The following GRM7 variants were observed in gnomAD, a reference collection of about 807,000 sequenced individuals.
The protein encoded by GRM7 is metabotropic glutamate receptor 7.
Under a neutral mutation model 84.5 loss-of-function variants are expected in GRM7, and 35 were observed. The ratio of observed to expected loss-of-function variants is 0.41; its 90% confidence interval spans 0.32 to 0.55. The LOEUF (loss-of-function observed/expected upper bound fraction) is 0.55, where lower values mean the gene tolerates loss of function less well. GRM7 is among the 20% of genes least tolerant of loss of function. The probability of loss-of-function intolerance (pLI) is 0.19; values close to 1 mark genes in which losing one functional copy is unlikely to be tolerated. For synonymous variants in GRM7, 487 were observed against 455.1 expected, an observed-to-expected ratio of 1.07 and a Z score of -0.89; for missense variants, 1,003 against 1,194.6, an observed-to-expected ratio of 0.84 and a Z score of 2.36.
rs902441633 is a variant in GRM7 at position 7,015,111 on chromosome 3, G to T, written c.520-131341G>T. On this transcript the variant is annotated intron_variant, in intron 1 of 9. Coordinates refer to ENST00000357716, the MANE Select transcript of GRM7 (RefSeq NM_000844.4). ...GCAGGGTGTGGGCGGGGACAAATAA[G>T]GGAATAAAGCTGCCCTACACCCCAC... Among the ~76,000 whole-genome samples, 3 of 151,998 alleles carry T rather than the reference G, an allele frequency of 2.0e-5. No homozygotes were observed. In the East Asian group the frequency reaches 5.8e-4, roughly 29 times the overall value.
At position 7,518,732 on chromosome 3, in the gene GRM7, A is replaced by G. The variant is rs191686192; in HGVS notation, c.1515+57010A>G. Among the ~76,000 whole-genome samples, 119 of 152,328 alleles carry G rather than the reference A, an allele frequency of 7.8e-4. 1 individual carries two copies. The highest frequency in any genetic ancestry group is 3.1e-3 in the Admixed American group (47 of 15,300). ...CAAATTTAAAACCATAGCTGCTCAA[A>G]TAGAAATTAGTAAGAAGGTTAGCAG... On this transcript the variant is annotated intron_variant, in intron 7 of 9. Transcript: ENST00000357716.
At chr3:6,950,017 C>T (rs12496768) in intron 1 of GRM7, among the ~76,000 whole-genome samples, 11,063 of 152,176 alleles carry the variant, frequency 0.073, 556 homozygotes, top group Non-Finnish European at 0.11. Flanking sequence ...TTCTTTAGCT[C>T]GGAGTAGTTT....
chr3:7,669,192 A>G (rs1312590768), intron 8 of GRM7, among the ~76,000 whole-genome samples: 4 of 152,142 alleles, frequency 2.6e-5, no homozygotes, highest in African/African-American at 7.2e-5. Flanking sequence ...AATAATCACA[A>G]ATTGTGATTA....
At chr3:7,106,549 G>C (rs1192695998) in intron 1 of GRM7, among the ~76,000 whole-genome samples, 1 of 151,910 alleles carries the variant, frequency 6.6e-6, no homozygotes, top group Non-Finnish European at 1.5e-5. Context: ...TCCAAGAATG[G>C]GGCAGCAATC....
chr3:7,255,767 A>C (rs1390417093), intron 2 of GRM7, among the ~76,000 whole-genome samples: 1 of 152,168 alleles, frequency 6.6e-6, no homozygotes, highest in Admixed American at 6.5e-5. Context: ...ATTGACACGA[A>C]TTCTATCTGG....
intron 4 of GRM7, among the ~76,000 whole-genome samples, chr3:7,375,015 C>T (rs1346988369): frequency 6.6e-6 from 1 of 152,076 alleles, no homozygotes; most frequent in East Asian, 1.9e-4. Context: ...CCCACAGTGA[C>T]TGCCTCATTT....
At chr3:7,272,825 A>G (rs933425290) in intron 2 of GRM7, among the ~76,000 whole-genome samples, 51 of 151,776 alleles carry the variant, frequency 3.4e-4, no homozygotes, top group Non-Finnish European at 8.8e-5. Flanking sequence ...TTTCTCTAGC[A>G]ATGATATGTT....
chr3:7,123,394 G>A (rs938554200), intron 1 of GRM7, among the ~76,000 whole-genome samples: 22 of 152,126 alleles, frequency 1.4e-4, no homozygotes, highest in African/African-American at 4.8e-4. Flanking sequence ...CGAGGTGAGT[G>A]GATCACCTGA....
At chr3:7,474,458 T>C (rs3804959) in intron 7 of GRM7, among the ~76,000 whole-genome samples, 62,205 of 149,978 alleles carry the variant, frequency 0.41, 14,626 homozygotes, top group African/African-American at 0.66. Context: ...AAAAAAAAAT[T>C]GACAATTGAG....
intron 1 of GRM7, among the ~76,000 whole-genome samples, chr3:7,108,703 C>T (rs930295734): frequency 1.3e-5 from 2 of 152,084 alleles, no homozygotes; most frequent in African/African-American, 4.8e-5. Flanking sequence ...ACAGCTACTT[C>T]GGGCAAGTAA....
intron 4 of GRM7, among the ~76,000 whole-genome samples, chr3:7,368,584 G>T (rs1694006148): frequency 6.6e-6 from 1 of 151,974 alleles, no homozygotes; most frequent in Admixed American, 6.6e-5. Flanking sequence ...TTGTTTTATG[G>T]TATTCCTTAG....
chr3:7,080,096 T>G (rs1698228909), intron 1 of GRM7, among the ~76,000 whole-genome samples: 1 of 152,064 alleles, frequency 6.6e-6, no homozygotes, highest in African/African-American at 2.4e-5. Flanking sequence ...AGCATCTTTT[T>G]TATAGTGTCT....
At chr3:7,211,357 A>G (rs115542537) in intron 2 of GRM7, among the ~76,000 whole-genome samples, 2,801 of 152,242 alleles carry the variant, frequency 0.018, 52 homozygotes, top group African/African-American at 0.046. Context: ...AGACACCAAA[A>G]TGTGTACCTT....
chr3:7,309,985 A>G (rs1276911704), intron 4 of GRM7, among the ~76,000 whole-genome samples: 1 of 152,130 alleles, frequency 6.6e-6, no homozygotes, highest in Non-Finnish European at 1.5e-5. Context: ...TTCCTCACTC[A>G]TGTGTTGCCC....
At chr3:7,029,966 A>T (rs1462176521) in intron 1 of GRM7, among the ~76,000 whole-genome samples, 4 of 152,240 alleles carry the variant, frequency 2.6e-5, no homozygotes, top group Admixed American at 2.6e-4. Context: ...AAGAAAGTAT[A>T]CATCTAAACA....
intron 1 of GRM7, among the ~76,000 whole-genome samples, chr3:6,904,016 T>G (rs1295762395): frequency 6.6e-6 from 1 of 152,178 alleles, no homozygotes; most frequent in Non-Finnish European, 1.5e-5. Context: ...CAGATATAAA[T>G]CCATTATTGA....
intron 1 of GRM7, among the ~76,000 whole-genome samples, chr3:7,108,685 G>T (rs1692740209): frequency 6.6e-6 from 1 of 152,020 alleles, no homozygotes; most frequent in Non-Finnish European, 1.5e-5. Context: ...AGAGGCCACT[G>T]GTTGCTGACA....
intron 4 of GRM7, among the ~76,000 whole-genome samples, chr3:7,331,028 AT>A (rs1701188913): frequency 6.6e-6 from 1 of 151,932 alleles, no homozygotes; most frequent in African/African-American, 2.4e-5. Flanking sequence ...TACCTTGTTG[AT>A]TTTTCTTTAC....
At chr3:7,399,504 C>T (rs1165746244) in intron 4 of GRM7, among the ~76,000 whole-genome samples, 1 of 152,068 alleles carries the variant, frequency 6.6e-6, no homozygotes, top group Non-Finnish European at 1.5e-5. Flanking sequence ...CTCATTTTTC[C>T]CATCTGTGAA....
Sources: allele counts gnomAD v4.1 joint callset (sites outside exome capture counted in the v4.1 genomes callset), GRCh38; gene constraint gnomAD v4.1.1; transcripts MANE v1.5; gene names NCBI Gene and HGNC (gene_info 2026-07-23, HGNC 2026-07-21).